Variants in OTULINL observed in about 807,000 individuals in gnomAD.
The protein encoded by OTULINL is inactive ubiquitin thioesterase OTULINL.
OTULINL carries 42 observed loss-of-function variants against 43.9 expected under a neutral mutation model. That is an observed-to-expected ratio of 0.96 (90% CI 0.75 to 1.24). OTULINL has a LOEUF of 1.24. Ranked by LOEUF, OTULINL falls within the 50% of genes most tolerant of loss-of-function variation. The probability of loss-of-function intolerance (pLI) is 0.00; values close to 1 mark genes in which losing one functional copy is unlikely to be tolerated. For missense variants in OTULINL, 411 were observed against 426.4 expected, an observed-to-expected ratio of 0.96 and a Z score of 0.32; for synonymous variants, 172 against 153.6, an observed-to-expected ratio of 1.12 and a Z score of -0.88.
At chr5:14,584,389 G>A (rs934857754) in intron 1 of OTULINL, among the ~76,000 whole-genome samples, 13 of 152,138 alleles carry the variant, frequency 8.5e-5, no homozygotes, top group African/African-American at 2.2e-4. Flanking sequence ...GTGGAACGGC[G>A]CACCCACTCC....
intron 1 of OTULINL, among the ~76,000 whole-genome samples, chr5:14,586,131 C>T (rs139315719): frequency 9.2e-4 from 140 of 152,322 alleles, no homozygotes; most frequent in African/African-American, 3.0e-3. Flanking sequence ...CTTCCATTCT[C>T]TTCTGTCCAT....
intron 5 of OTULINL, among the ~76,000 whole-genome samples, chr5:14,603,913 T>C (rs1759430131): frequency 6.6e-6 from 1 of 152,248 alleles, no homozygotes; most frequent in Non-Finnish European, 1.5e-5. Flanking sequence ...CGTGTGTGTG[T>C]GTTCAATTTT....
chr5:14,599,756 C>G (rs1375999410), intron 1 of OTULINL, among the ~76,000 whole-genome samples: 5 of 152,204 alleles, frequency 3.3e-5, no homozygotes, highest in Non-Finnish European at 5.9e-5. Context: ...TGTGCTCAAA[C>G]ATAATAAGGA....
At chr5:14,587,106 T>C (rs1486309485) in intron 1 of OTULINL, among the ~76,000 whole-genome samples, 1 of 152,222 alleles carries the variant, frequency 6.6e-6, no homozygotes, top group Non-Finnish European at 1.5e-5. Context: ...CTGTAGCATT[T>C]AGTCTCCAAG....
At chr5:14,605,595 T>C (rs1759460801) in intron 5 of OTULINL, among the ~76,000 whole-genome samples, 1 of 152,194 alleles carries the variant, frequency 6.6e-6, no homozygotes, top group Non-Finnish European at 1.5e-5. Flanking sequence ...TTCTGAACTT[T>C]TACGCTCTCT....
rs951382308 is a variant in OTULINL at position 14,614,466 on chromosome 5, A to G, written c.*4152A>G. On this transcript the variant is annotated 3_prime_UTR_variant, in exon 8 of 8. Transcript: ENST00000274217. ...CAAATTGTTCAATCACTTCTATGTT[A>G]TTTGTTCAGAATAGTGGATCTTTGC... 5.0e-6 allele frequency: 2 copies of G among 397,190 alleles called. No individual in the cohort carries two copies. The highest frequency in any genetic ancestry group is 8.9e-6 in the Non-Finnish European group (2 of 225,758). 24.6% of individuals were successfully genotyped at this position (397,190 alleles called of 1,614,324 possible).
intron 1 of OTULINL, among the ~76,000 whole-genome samples, chr5:14,584,050 G>A (rs11949592): frequency 6.6e-6 from 1 of 152,230 alleles, no homozygotes; most frequent in Non-Finnish European, 1.5e-5. Context: ...AGATCACTTA[G>A]TGGAGTGCCC....
At position 14,601,439 on chromosome 5, in the gene OTULINL, G is replaced by A. The variant is rs1178891946; in HGVS notation, c.345G>A (p.Arg115=). 4 of 1,613,338 alleles carry A rather than the reference G, an allele frequency of 2.5e-6. No homozygotes were observed. Among genetic ancestry groups the A allele is most frequent in the Middle Eastern group, 1.7e-4 (1 of 6,056 alleles). Residue 115 remains arginine, a synonymous_variant, in exon 4 of 8, where the codon AGG becomes AGA. Coordinates refer to ENST00000274217, the MANE Select transcript of OTULINL (RefSeq NM_019018.3). ...KGETPRNKLM[R]KAYEELFWRH... Reference sequence around the variant, plus strand: ...AGACACCCCGTAACAAGCTGATGAGGAAGGTGTGTCTGTTTTTAGAGGGTA... The same window carrying A: ...AGACACCCCGTAACAAGCTGATGAGAAAGGTGTGTCTGTTTTTAGAGGGTA...
chr5:14,600,932 CTTTTT>C (rs5866109), intron 1 of OTULINL, 28 bp from the exon 2 acceptor site: 1,032 of 1,195,054 alleles, frequency 8.6e-4, no homozygotes, highest in South Asian at 2.6e-3. Context: ...TTGTGATGTG[CTTTTT>C]TTTTTTTTTT....
At chr5:14,603,607 T>A (rs1560966145) in intron 5 of OTULINL, among the ~76,000 whole-genome samples, 1 of 152,252 alleles carries the variant, frequency 6.6e-6, no homozygotes, top group Non-Finnish European at 1.5e-5. Flanking sequence ...TGTGCTTATT[T>A]GTCATCCCTG....
chr5:14,597,392 G>T (rs1257121092), intron 1 of OTULINL, among the ~76,000 whole-genome samples: 1 of 152,192 alleles, frequency 6.6e-6, no homozygotes, highest in African/African-American at 2.4e-5. Context: ...GAGGCTTAGG[G>T]AGGGGAAATC....
intron 1 of OTULINL, among the ~76,000 whole-genome samples, chr5:14,590,174 T>C (rs1243188585): frequency 6.6e-6 from 1 of 152,212 alleles, no homozygotes; most frequent in Non-Finnish European, 1.5e-5. Context: ...TGGAAATTGA[T>C]TGGCATCTGA....
chr5:14,596,502 T>A (rs191056569), intron 1 of OTULINL, among the ~76,000 whole-genome samples: 1 of 152,230 alleles, frequency 6.6e-6, no homozygotes, highest in Non-Finnish European at 1.5e-5. Flanking sequence ...TTCTGTATCA[T>A]TTTTTAGTTG....
At chr5:14,582,387 C>A (rs550781087) in intron 1 of OTULINL, among the ~76,000 whole-genome samples, 1 of 152,056 alleles carries the variant, frequency 6.6e-6, no homozygotes, top group African/African-American at 2.4e-5. Context: ...TCGGGGAGCT[C>A]GACTCGCTGA....
intron 7 of OTULINL, among the ~76,000 whole-genome samples, chr5:14,609,524 A>T (rs529184171): frequency 1.3e-5 from 2 of 152,292 alleles, no homozygotes; most frequent in African/African-American, 4.8e-5. Flanking sequence ...TATAAAACTG[A>T]TTGAATGATA....
At chr5:14,598,419 TGA>T (rs1316396901) in intron 1 of OTULINL, among the ~76,000 whole-genome samples, 2 of 152,342 alleles carry the variant, frequency 1.3e-5, no homozygotes, top group African/African-American at 2.4e-5. Context: ...GTGTATGTGA[TGA>T]GAGTCTGTGG....
intron 1 of OTULINL, among the ~76,000 whole-genome samples, chr5:14,597,745 C>A (rs1275905619): frequency 7.9e-5 from 12 of 152,220 alleles, no homozygotes; most frequent in Admixed American, 7.8e-4. Context: ...GAGTACCCTT[C>A]CATCCACCTC....
chr5:14,600,397 A>G (rs1759364310), intron 1 of OTULINL, among the ~76,000 whole-genome samples: 1 of 152,238 alleles, frequency 6.6e-6, no homozygotes, highest in Admixed American at 6.5e-5. Context: ...ATGAGAATGG[A>G]CGAACACAGA....
intron 1 of OTULINL, among the ~76,000 whole-genome samples, chr5:14,596,484 G>A (rs1759290023): frequency 6.6e-6 from 1 of 152,182 alleles, no homozygotes; most frequent in Non-Finnish European, 1.5e-5. Context: ...TCTCATTACG[G>A]TGTTTTCTTC....
Sources: gnomAD v4.1 joint callset for allele counts (sites outside exome capture counted in the v4.1 genomes callset) on GRCh38, gnomAD v4.1.1 for gene constraint, MANE v1.5 for transcripts, NCBI Gene and HGNC (gene_info 2026-07-23, HGNC 2026-07-21) for gene names.